The following PTPN14 variants were observed in gnomAD, a reference collection of about 807,000 sequenced individuals.
PTPN14 encodes the protein protein tyrosine phosphatase non-receptor type 14.
In PTPN14, 53 loss-of-function variants were observed where a neutral mutation model predicts 126.8. That is an observed-to-expected ratio of 0.42 (90% CI 0.34 to 0.53). PTPN14 has a LOEUF of 0.53. PTPN14 is among the 20% of genes least tolerant of loss of function. The pLI is 0.08. For missense variants in PTPN14, 1,257 were observed against 1,552.9 expected, an observed-to-expected ratio of 0.81 and a Z score of 3.20; for synonymous variants, 630 against 599.3, an observed-to-expected ratio of 1.05 and a Z score of -0.75.
In PTPN14 at chr1:214,386,367, G is replaced by T. The variant is rs1658609190; in HGVS notation, c.1066+477C>A. On this transcript the variant is annotated intron_variant, in intron 12 of 18. Coordinates refer to ENST00000366956, the MANE Select transcript of PTPN14 (RefSeq NM_005401.5). ...AAACAGATTTACCTTACTCAGAGAA[G>T]AAAAAAGCAAGTGTACCAAGAAAGG... is the stretch of plus-strand genomic sequence containing the variant. Among the ~76,000 whole-genome samples, 4 of 152,092 alleles carry T rather than the reference G, an allele frequency of 2.6e-5. No homozygotes were observed. In the South Asian group the frequency reaches 8.3e-4, roughly 32 times the overall value.
At chr1:214,392,269 C>T (rs899840324) in intron 10 of PTPN14, among the ~76,000 whole-genome samples, 12 of 152,022 alleles carry the variant, frequency 7.9e-5, no homozygotes, top group African/African-American at 2.4e-4. Flanking sequence ...AGGTTAGGAA[C>T]CTCTTATACT....
At position 214,357,839 on chromosome 1, in the gene PTPN14, G is replaced by C. The variant is rs550180961; in HGVS notation, c.*83C>G. On this transcript the variant is annotated 3_prime_UTR_variant, in exon 19 of 19. Coordinates refer to ENST00000366956, the MANE Select transcript of PTPN14 (RefSeq NM_005401.5). ...TGCTGCCAGCCACCTGCACCCCTGT[G>C]GGGGGAGCAGATGTTGTCTGGAGGT... 4.1e-4 allele frequency: 543 copies of C among 1,309,314 alleles called. 3 individuals carry two copies. The highest frequency in any genetic ancestry group is 1.6e-3 in the South Asian group (117 of 75,360). The allele number at this position is 1,309,314 out of a possible 1,614,324, so 81.1% of individuals were successfully genotyped here. A position where few individuals can be genotyped will look rare whatever the true frequency, so the allele number is the denominator to read the frequency against.
In PTPN14 at chr1:214,455,453, G is replaced by A. The variant is rs942332356; in HGVS notation, c.175-3479C>T. ...TATCTCAGGCACCAAAAGTAAGCCA[G>A]ACTCATTTAATCCTCATGATACCTC... is the stretch of plus-strand genomic sequence containing the variant. On this transcript the variant is annotated intron_variant, in intron 2 of 18. Coordinates refer to ENST00000366956, the MANE Select transcript of PTPN14 (RefSeq NM_005401.5). Among the ~76,000 whole-genome samples the A allele has an allele frequency of 2.0e-5, 3 of 152,154 alleles. No individual in the cohort carries two copies. In the East Asian group the frequency reaches 5.8e-4, roughly 29 times the overall value.
At chr1:214,532,650 T>C in intron 1 of PTPN14, 3 of 863,374 alleles carry the variant, frequency 3.5e-6, no homozygotes, top group Admixed American at 1.7e-5. Flanking sequence ...AGACTGACAA[T>C]GCCCATCTTG....
At chr1:214,366,612 TA>T (rs1658085959) in intron 17 of PTPN14, among the ~76,000 whole-genome samples, 1 of 152,164 alleles carries the variant, frequency 6.6e-6, no homozygotes, top group South Asian at 2.1e-4. Context: ...AAAAATCTTT[TA>T]AAACCTAGGA....
At chr1:214,533,334 C>A in intron 1 of PTPN14, 1 of 518,944 alleles carries the variant, frequency 1.9e-6, no homozygotes, top group Non-Finnish European at 3.6e-6. Context: ...TGCTGGAAGA[C>A]GGTGAGGACT....
rs1200138701 is a variant in PTPN14 at position 214,350,868 on chromosome 1, C to T, written c.*7054G>A. 2 of 151,616 alleles carry T rather than the reference C, an allele frequency of 1.3e-5. No individual in the cohort carries two copies. The highest frequency in any genetic ancestry group is 2.9e-5 in the Non-Finnish European group (2 of 67,920). The allele number at this position is 151,616 out of a possible 1,614,324, so 9.4% of individuals were successfully genotyped here. ...TGAGCCACCACATCTGGCCATTTGC[C>T]AGATCTTATTCTTTGAAACTATACA... On this transcript the variant is annotated 3_prime_UTR_variant, in exon 19 of 19. Transcript: ENST00000366956.
chr1:214,369,509 T>C lies in PTPN14; in HGVS notation c.3219A>G (p.Gln1073=), dbSNP rs756561027. Residue 1073 remains glutamine (Q), a synonymous_variant, in exon 17 of 19, where the codon CAA becomes CAG. Coordinates refer to ENST00000366956, the MANE Select transcript of PTPN14 (RefSeq NM_005401.5). ...AGCCGTGATCTGGCCAGTCAGTATATTGTAAATGCCACACCGTCCTTTCTT... is the reference window on the plus strand; with the variant it reads ...AGCCGTGATCTGGCCAGTCAGTATACTGTAAATGCCACACCGTCCTTTCTT... ...SGQERTVWHL[Q]YTDWPDHGCP... The C allele has an allele frequency of 4.0e-5, 65 of 1,614,050 alleles. No homozygotes were observed. Among genetic ancestry groups the C allele is most frequent in the Admixed American group, 6.7e-5 (4 of 60,008 alleles).
intron 2 of PTPN14, among the ~76,000 whole-genome samples, chr1:214,459,748 C>T (rs1193726122): frequency 6.6e-6 from 1 of 151,498 alleles, no homozygotes; most frequent in Non-Finnish European, 1.5e-5. Flanking sequence ...ATTACAGGCG[C>T]AAGCCACCAC....
chr1:214,379,632 T>C (rs910004215), intron 13 of PTPN14, among the ~76,000 whole-genome samples: 1 of 152,182 alleles, frequency 6.6e-6, no homozygotes, highest in Non-Finnish European at 1.5e-5. Flanking sequence ...CCCATTCTAT[T>C]CAAAGTCACC....
At chr1:214,535,689 G>A (rs1359729344) in intron 1 of PTPN14, among the ~76,000 whole-genome samples, 1 of 151,432 alleles carries the variant, frequency 6.6e-6, no homozygotes, top group Non-Finnish European at 1.5e-5. Flanking sequence ...TGAGGCAGGA[G>A]AATTGCTTGA....
At chr1:214,467,911 TTAAAAGTCAATG>T (rs1660676397) in intron 1 of PTPN14, among the ~76,000 whole-genome samples, 1 of 152,142 alleles carries the variant, frequency 6.6e-6, no homozygotes, top group Non-Finnish European at 1.5e-5. Context: ...TCTGGTCCTT[TTAAAAGTCAATG>T]TCATGAAACA....
intron 2 of PTPN14, among the ~76,000 whole-genome samples, chr1:214,456,800 CTAA>C (rs1216660374): frequency 6.6e-6 from 1 of 152,086 alleles, no homozygotes; most frequent in Non-Finnish European, 1.5e-5. Flanking sequence ...TGACATTAAG[CTAA>C]TAATGTTTCA....
In PTPN14 at chr1:214,349,650, C is replaced by G. The variant is rs1657665038; in HGVS notation, c.*8272G>C. On this transcript the variant is annotated 3_prime_UTR_variant, in exon 19 of 19. Coordinates refer to ENST00000366956, the MANE Select transcript of PTPN14 (RefSeq NM_005401.5). ...TAAACCTTTTTTTCCACTGAAGTAT[C>G]CTCAAGCACATTAATTAGCTATTGA... 2 of 152,212 alleles carry G rather than the reference C, an allele frequency of 1.3e-5. No individual in the cohort carries two copies. Among genetic ancestry groups the G allele is most frequent in the Middle Eastern group, 3.4e-3 (1 of 294 alleles). The allele number at this position is 152,212 out of a possible 1,614,324, so 9.4% of individuals were successfully genotyped here.
chr1:214,382,069 A>G (rs529890391), intron 13 of PTPN14, among the ~76,000 whole-genome samples: 1 of 152,086 alleles, frequency 6.6e-6, no homozygotes, highest in African/African-American at 2.4e-5. Flanking sequence ...CACACGGCTA[A>G]TTTTTGTATT....
chr1:214,445,279 C>A (rs1365278345), intron 3 of PTPN14, among the ~76,000 whole-genome samples: 1 of 150,516 alleles, frequency 6.6e-6, no homozygotes, highest in Non-Finnish European at 1.5e-5. Context: ...TCCTGTGGGC[C>A]TGATGTGTCT....
At position 214,518,251 on chromosome 1, in the gene PTPN14, C is replaced by T. The variant is rs140797973; in HGVS notation, c.-155+32932G>A. Reference sequence around the variant, plus strand: ...TGTAAAAATGTCAGAGATATTTCTACCCAACTAAAATATGACACCAATATA... The same window carrying T: ...TGTAAAAATGTCAGAGATATTTCTATCCAACTAAAATATGACACCAATATA... On this transcript the variant is annotated intron_variant, in intron 1 of 18. Coordinates refer to ENST00000366956, the MANE Select transcript of PTPN14 (RefSeq NM_005401.5). 4.3e-3 allele frequency among the ~76,000 whole-genome samples: 656 copies of T among 152,222 alleles called. 3 individuals carry two copies. Among genetic ancestry groups the T allele is most frequent in the Admixed American group, 7.3e-3 (112 of 15,284 alleles).
At chr1:214,386,223 C>G (rs1658606063) in intron 12 of PTPN14, among the ~76,000 whole-genome samples, 1 of 152,108 alleles carries the variant, frequency 6.6e-6, no homozygotes, top group East Asian at 1.9e-4. Flanking sequence ...ATAGCAAGTA[C>G]TTACAGCAAT....
rs1490120666 is a variant in PTPN14 at position 214,349,094 on chromosome 1, A to G, written c.*8828T>C. The G allele has an allele frequency of 1.3e-5, 2 of 152,198 alleles. No homozygotes were observed. Among genetic ancestry groups the G allele is most frequent in the East Asian group, 3.9e-4 (2 of 5,192 alleles). 9.4% of individuals were successfully genotyped at this position (152,198 alleles called of 1,614,324 possible). On this transcript the variant is annotated 3_prime_UTR_variant, in exon 19 of 19. Transcript: ENST00000366956. Reference sequence around the variant, plus strand: ...ATAAAAATCACTCCCCAGCTTAGGGAATGTCCTATAAACATCTCACCCCTC... The same window carrying G: ...ATAAAAATCACTCCCCAGCTTAGGGGATGTCCTATAAACATCTCACCCCTC...
Sources: allele counts gnomAD v4.1 joint callset (sites outside exome capture counted in the v4.1 genomes callset), GRCh38; gene constraint gnomAD v4.1.1; transcripts MANE v1.5; gene names NCBI Gene and HGNC (gene_info 2026-07-23, HGNC 2026-07-21).